SH3D19: variants seen among roughly 807,000 people sequenced by gnomAD.
SH3D19 encodes the protein SH3 domain-containing protein 19.
A neutral mutation model predicts 112.1 loss-of-function variants in SH3D19; 58 were observed. The ratio of observed to expected loss-of-function variants is 0.52; its 90% confidence interval spans 0.42 to 0.64. The LOEUF (loss-of-function observed/expected upper bound fraction) is 0.64, where lower values mean the gene tolerates loss of function less well. Among genes scored for constraint, SH3D19 ranks in the 30% least tolerant of loss-of-function variants. SH3D19 has a pLI of 0.00. For missense variants in SH3D19, 1,090 were observed against 1,263.4 expected, an observed-to-expected ratio of 0.86 and a Z score of 2.08; for synonymous variants, 391 against 448.5, an observed-to-expected ratio of 0.87 and a Z score of 1.62.
At chr4:151,149,224 T>C (rs1243519366) in intron 10 of SH3D19, among the ~76,000 whole-genome samples, 3 of 152,110 alleles carry the variant, frequency 2.0e-5, no homozygotes, top group Non-Finnish European at 1.5e-5. Flanking sequence ...TATACGTATA[T>C]TCTAGAAGTG....
At chr4:151,237,259 C>T (rs80088336) in intron 1 of SH3D19, among the ~76,000 whole-genome samples, 3,057 of 152,248 alleles carry the variant, frequency 0.02, 58 homozygotes, top group Middle Eastern at 0.034. Flanking sequence ...ACCAAGAACC[C>T]GCCAATTTCG....
At chr4:151,297,367 C>T (rs1313893812) in intron 1 of SH3D19, among the ~76,000 whole-genome samples, 1 of 152,220 alleles carries the variant, frequency 6.6e-6, no homozygotes, top group African/African-American at 2.4e-5. Context: ...GTGTGCCATT[C>T]TTATGACACT....
chr4:151,148,655 A>C (rs1258230610), intron 10 of SH3D19, among the ~76,000 whole-genome samples: 1 of 152,236 alleles, frequency 6.6e-6, no homozygotes, highest in Non-Finnish European at 1.5e-5. Flanking sequence ...TGTTACTATT[A>C]AAAGTCTAAT....
intron 3 of SH3D19, among the ~76,000 whole-genome samples, chr4:151,179,621 T>A (rs894094460): frequency 6.6e-6 from 1 of 151,996 alleles, no homozygotes; most frequent in Non-Finnish European, 1.5e-5. Context: ...TTTCAAAAAC[T>A]CCCCAAAGAA....
intron 1 of SH3D19, among the ~76,000 whole-genome samples, chr4:151,311,789 G>A (rs554906156): frequency 1.3e-5 from 2 of 152,236 alleles, no homozygotes; most frequent in East Asian, 1.9e-4. Flanking sequence ...TCAGTGAGCC[G>A]TGATTGCACC....
chr4:151,279,815 C>A (rs1335139997), intron 1 of SH3D19: 1 of 1,613,870 alleles, frequency 6.2e-7, no homozygotes, highest in Non-Finnish European at 8.5e-7. Flanking sequence ...AACCTGTATA[C>A]TCCAGCCGCG....
At chr4:151,228,252 C>T (rs904428309) in intron 1 of SH3D19, among the ~76,000 whole-genome samples, 21 of 152,172 alleles carry the variant, frequency 1.4e-4, no homozygotes, top group African/African-American at 4.3e-4. Flanking sequence ...AATATAGATA[C>T]GCAGTACTTA....
At chr4:151,180,929 A>ATTTTTT (rs67090009) in intron 3 of SH3D19, among the ~76,000 whole-genome samples, 2 of 132,050 alleles carry the variant, frequency 1.5e-5, no homozygotes, top group Non-Finnish European at 3.1e-5. Context: ...ATGCCCGGCT[A>ATTTTTT]TTTTTTTTTT....
intron 1 of SH3D19, among the ~76,000 whole-genome samples, chr4:151,253,052 T>G (rs1410254458): frequency 6.6e-6 from 1 of 152,250 alleles, no homozygotes; most frequent in Non-Finnish European, 1.5e-5. Context: ...ATTATCAATC[T>G]ACTTGCCAGT....
At chr4:151,133,325 T>A (rs561204450) in intron 15 of SH3D19, 89 bp from the exon 16 acceptor site, 3 of 1,090,172 alleles carry the variant, frequency 2.8e-6, no homozygotes, top group South Asian at 2.9e-5. Context: ...TAAATATTTA[T>A]TCTGGGTTTA....
At chr4:151,210,736 C>T (rs908007634) in intron 2 of SH3D19, among the ~76,000 whole-genome samples, 1 of 152,130 alleles carries the variant, frequency 6.6e-6, no homozygotes, top group Non-Finnish European at 1.5e-5. Flanking sequence ...CAAGTATGCA[C>T]AAAAGAAAGA....
chr4:151,312,338 T>C (rs1415241386), intron 1 of SH3D19, among the ~76,000 whole-genome samples: 2 of 152,240 alleles, frequency 1.3e-5, no homozygotes, highest in Admixed American at 6.5e-5. Flanking sequence ...ATCAACATCA[T>C]ATTTTTAAAT....
Position 151,127,661 on chromosome 4 carries a change from A to G in SH3D19, c.2984T>C (p.Leu995Ser). Residue 995 changes from leucine to serine, a missense_variant, in exon 19 of 20, where the codon TTA (leucine) becomes TCA (serine). Physicochemically the swap from Leu to Ser is moderately radical, Grantham distance 145. Coordinates refer to ENST00000604030, the MANE Select transcript of SH3D19 (RefSeq NM_001378122.1). ...IVPKGRKAKA[L>S]YDFRGENEDE... ...TTCATTCTCCCCTCGGAAATCATAT[A>G]AGGCTTTGGCCTTCCTCCCCTTCGG... 1 of 1,606,832 alleles carries G rather than the reference A, an allele frequency of 6.2e-7. No individual in the cohort carries two copies. The highest frequency in any genetic ancestry group is 8.5e-7 in the Non-Finnish European group (1 of 1,177,564).
intron 10 of SH3D19, among the ~76,000 whole-genome samples, chr4:151,148,689 G>C (rs1348880224): frequency 6.6e-6 from 1 of 152,174 alleles, no homozygotes; most frequent in Non-Finnish European, 1.5e-5. Context: ...AAGAAAGCTA[G>C]TTCTGAAAGG....
intron 1 of SH3D19, among the ~76,000 whole-genome samples, chr4:151,288,549 C>T (rs762400141): frequency 2.0e-5 from 3 of 152,032 alleles, no homozygotes; most frequent in Non-Finnish European, 4.4e-5. Context: ...GAGTTCGAGA[C>T]CAGCCTGACC....
chr4:151,296,725 T>C (rs749607591), intron 1 of SH3D19, among the ~76,000 whole-genome samples: 2 of 152,204 alleles, frequency 1.3e-5, no homozygotes, highest in Non-Finnish European at 2.9e-5. Context: ...TTCACACATC[T>C]TGAGAAATTT....
chr4:151,275,333 C>T (rs568937042), intron 1 of SH3D19, among the ~76,000 whole-genome samples: 145 of 152,252 alleles, frequency 9.5e-4, no homozygotes, highest in African/African-American at 3.3e-3. Flanking sequence ...GTGACCCACC[C>T]GCCTCGGCCT....
chr4:151,220,976 CAT>C (rs1395942656), intron 2 of SH3D19, among the ~76,000 whole-genome samples: 1 of 152,188 alleles, frequency 6.6e-6, no homozygotes, highest in Non-Finnish European at 1.5e-5. Context: ...ATATTTCTCA[CAT>C]GTGTATCAAT....
intron 1 of SH3D19, chr4:151,283,401 T>C: frequency 1.2e-6 from 1 of 850,572 alleles, no homozygotes; most frequent in East Asian, 2.6e-5. Flanking sequence ...GTTCTAAGAA[T>C]AACTCTTATG....
Sources: allele counts gnomAD v4.1 joint callset (sites outside exome capture counted in the v4.1 genomes callset), GRCh38; gene constraint gnomAD v4.1.1; transcripts MANE v1.5; gene names NCBI Gene and HGNC (gene_info 2026-07-23, HGNC 2026-07-21).